DOK6: variants seen among roughly 807,000 people sequenced by gnomAD.
DOK6 encodes the protein downstream of tyrosine kinase 6.
A neutral mutation model predicts 44.0 loss-of-function variants in DOK6; 22 were observed. That is an observed-to-expected ratio of 0.50 (90% confidence interval 0.36 to 0.71). The LOEUF (loss-of-function observed/expected upper bound fraction) is 0.71. Among genes scored for constraint, DOK6 ranks in the 30% least tolerant of loss-of-function variants. The probability of loss-of-function intolerance (pLI) is 0.00; values close to 1 mark genes in which losing one functional copy is unlikely to be tolerated. For synonymous variants in DOK6, 166 were observed against 145.5 expected (o/e 1.14, Z -1.01); for missense variants, 340 against 416.4 (o/e 0.82, Z 1.60).
chr18:69,503,045 A>G (rs139524893), intron 1 of DOK6, among the ~76,000 whole-genome samples: 301 of 152,174 alleles, frequency 2.0e-3, no homozygotes, highest in African/African-American at 6.7e-3. Context: ...TCTTAAATGA[A>G]CCTTTCATGC....
Position 69,761,581 on chromosome 18 carries a change from T to C in DOK6, c.856+3708T>C, listed in dbSNP as rs573826624. Among the ~76,000 whole-genome samples the C allele has an allele frequency of 3.3e-5, 5 of 152,194 alleles. No homozygotes were observed. The East Asian group carries it at 9.7e-4, about 29-fold the overall frequency. ...CTTCCTGCTGACAGAGGGGTGGTCGTGGTCGGGTGGATCTTGGCTCCTTGC... is the reference window on the plus strand; with the variant it reads ...CTTCCTGCTGACAGAGGGGTGGTCGCGGTCGGGTGGATCTTGGCTCCTTGC... On this transcript the variant is annotated intron_variant, in intron 7 of 7. Coordinates refer to ENST00000382713, the MANE Select transcript of DOK6 (RefSeq NM_152721.6).
intron 6 of DOK6, among the ~76,000 whole-genome samples, chr18:69,756,300 G>A (rs9954116): frequency 0.86 from 130,107 of 152,090 alleles, 56,045 homozygotes; most frequent in East Asian, 1. Flanking sequence ...CCCCACCCCT[G>A]TAAACACCAA....
chr18:69,467,716 G>A (rs975328703), intron 1 of DOK6, among the ~76,000 whole-genome samples: 1 of 152,078 alleles, frequency 6.6e-6, no homozygotes, highest in Non-Finnish European at 1.5e-5. Context: ...ATCCTTTTGT[G>A]TGCCACCAGA....
intron 1 of DOK6, among the ~76,000 whole-genome samples, chr18:69,531,956 C>T (rs905526789): frequency 1.3e-5 from 2 of 152,042 alleles, no homozygotes; most frequent in African/African-American, 4.8e-5. Flanking sequence ...TAGATGAGGT[C>T]ACGAGGGTGG....
chr18:69,617,726 A>AGAAAG (rs1377399642), intron 3 of DOK6, among the ~76,000 whole-genome samples: 169 of 115,648 alleles, frequency 1.5e-3, no homozygotes, highest in Middle Eastern at 4.2e-3. Flanking sequence ...AAAGAAAGAA[A>AGAAAG]AAAGGGGGAA....
chr18:69,546,863 G>T (rs1982419170), intron 1 of DOK6, among the ~76,000 whole-genome samples: 1 of 151,468 alleles, frequency 6.6e-6, no homozygotes, highest in African/African-American at 2.4e-5. Context: ...GCTGTGTTAA[G>T]CTGTTCTTAC....
intron 7 of DOK6, among the ~76,000 whole-genome samples, chr18:69,764,502 G>A (rs760865009): frequency 6.6e-6 from 1 of 152,112 alleles, no homozygotes; most frequent in Non-Finnish European, 1.5e-5. Flanking sequence ...AGATCTGATG[G>A]TTTCATAAGG....
chr18:69,414,446 G>C (rs1453808244), intron 1 of DOK6, among the ~76,000 whole-genome samples: 1 of 151,860 alleles, frequency 6.6e-6, no homozygotes, highest in African/African-American at 2.4e-5. Flanking sequence ...AATTATGGTG[G>C]GTGTCTATAA....
At chr18:69,827,708 C>A (rs151264528) in intron 7 of DOK6, among the ~76,000 whole-genome samples, 74 of 152,054 alleles carry the variant, frequency 4.9e-4, no homozygotes, top group Non-Finnish European at 8.1e-4. Context: ...TAAATAATTT[C>A]ATGATGTTTC....
intron 3 of DOK6, among the ~76,000 whole-genome samples, chr18:69,636,108 A>G (rs1207284903): frequency 6.6e-6 from 1 of 152,222 alleles, no homozygotes; most frequent in Non-Finnish European, 1.5e-5. Context: ...GAATGAGTTC[A>G]TGCCTTTTAT....
intron 7 of DOK6, among the ~76,000 whole-genome samples, chr18:69,806,859 C>T (rs1027102368): frequency 3.3e-5 from 5 of 151,918 alleles, no homozygotes; most frequent in African/African-American, 1.2e-4. Flanking sequence ...CAATCAAGTA[C>T]ATCATGTATT....
chr18:69,684,098 C>T (rs947799699), intron 4 of DOK6, among the ~76,000 whole-genome samples: 3 of 152,070 alleles, frequency 2.0e-5, no homozygotes, highest in Non-Finnish European at 1.5e-5. Flanking sequence ...TTGAATGGAC[C>T]GTAGCAATTT....
At chr18:69,762,597 A>G (rs1331504658) in intron 7 of DOK6, among the ~76,000 whole-genome samples, 2 of 152,358 alleles carry the variant, frequency 1.3e-5, no homozygotes, top group Non-Finnish European at 2.9e-5. Context: ...ATCAATATGA[A>G]TTAAATTTAG....
rs1440781401 is a variant in DOK6, at chr18:69,842,455, T to C, written c.*1072T>C. ...CTTTAAGAAAGAAAGAATACACCCA[T>C]AAAGAACTCAGCTATTTTGCAGTAA... On this transcript the variant is annotated 3_prime_UTR_variant, in exon 8 of 8. Transcript: ENST00000382713. 1 of 152,124 alleles carries C rather than the reference T, an allele frequency of 6.6e-6. No homozygotes were observed. The highest frequency in any genetic ancestry group is 1.5e-5 in the Non-Finnish European group (1 of 68,008). 9.4% of individuals were successfully genotyped at this position (152,124 alleles called of 1,614,324 possible).
intron 6 of DOK6, among the ~76,000 whole-genome samples, chr18:69,746,021 T>C (rs769604508): frequency 6.6e-6 from 1 of 152,220 alleles, no homozygotes; most frequent in Non-Finnish European, 1.5e-5. Context: ...TAACGTTTTA[T>C]GTGTATTTAT....
At chr18:69,813,481 G>A (rs1981304264) in intron 7 of DOK6, among the ~76,000 whole-genome samples, 1 of 151,996 alleles carries the variant, frequency 6.6e-6, no homozygotes, top group Non-Finnish European at 1.5e-5. Context: ...TGATTGGGGA[G>A]GCCCAAATAG....
chr18:69,526,515 T>C lies in DOK6; in HGVS notation c.67-37972T>C, dbSNP rs137914548. Among the ~76,000 whole-genome samples, 836 of 152,328 alleles carry C rather than the reference T, an allele frequency of 5.5e-3. 8 individuals carry two copies. Among genetic ancestry groups the C allele is most frequent in the South Asian group, 0.025 (122 of 4,832 alleles). On this transcript the variant is annotated intron_variant, in intron 1 of 7. Transcript: ENST00000382713. ...AGATTATGGACATGTGAATTGTTTCTACTTTTTGACTAGAATGAATGATGC... is the reference window on the plus strand; with the variant it reads ...AGATTATGGACATGTGAATTGTTTCCACTTTTTGACTAGAATGAATGATGC...
At chr18:69,561,303 T>C (rs1363125863) in intron 1 of DOK6, among the ~76,000 whole-genome samples, 1 of 94,978 alleles carries the variant, frequency 1.1e-5, no homozygotes, top group Non-Finnish European at 2.6e-5. Flanking sequence ...AAGTTTCCAC[T>C]ATATCAAACT....
intron 1 of DOK6, among the ~76,000 whole-genome samples, chr18:69,466,273 C>T (rs537573700): frequency 4.6e-5 from 7 of 152,212 alleles, no homozygotes; most frequent in African/African-American, 9.6e-5. Flanking sequence ...AGCATTTGTC[C>T]TTCTGTGCCT....
Sources: allele counts gnomAD v4.1 joint callset (sites outside exome capture counted in the v4.1 genomes callset), GRCh38; gene constraint gnomAD v4.1.1; transcripts MANE v1.5; gene names NCBI Gene and HGNC (gene_info 2026-07-23, HGNC 2026-07-21).